FA2H: variants seen among roughly 807,000 people sequenced by gnomAD.
FA2H encodes the protein fatty acid 2-hydroxylase, also known as fatty acid alpha-hydroxylase.
FA2H carries 22 observed loss-of-function variants against 44.9 expected under a neutral mutation model. The ratio of observed to expected loss-of-function variants is 0.49; its 90% CI spans 0.35 to 0.70. The LOEUF is 0.70. Ranked by LOEUF, FA2H falls within the 30% of genes least tolerant of loss-of-function variation. The pLI is 0.01. For synonymous variants in FA2H, 243 were observed against 213.2 expected, an observed-to-expected ratio of 1.14 and a Z score of -1.22; for missense variants, 501 against 504.9, an observed-to-expected ratio of 0.99 and a Z score of 0.07.
intron 1 of FA2H, chr16:74,741,406 T>C (rs1348915762): frequency 6.6e-6 from 1 of 152,234 alleles, no homozygotes; most frequent in Non-Finnish European, 1.5e-5. Flanking sequence ...AAGTCGGCTT[T>C]TGTGGTCCTT....
Position 74,745,799 on chromosome 16 carries a change from A to ATTTT in FA2H, c.271-5688_271-5685dup, listed in dbSNP as rs11365398. Among the ~76,000 whole-genome samples, 110 of 72,452 alleles carry ATTTT rather than the reference A, an allele frequency of 1.5e-3. 2 individuals carry two copies. Among genetic ancestry groups the ATTTT allele is most frequent in the African/African-American group, 5.4e-3 (108 of 19,964 alleles). 47.5% of individuals were successfully genotyped at this position (72,452 alleles called of 152,430 possible). The stretch of plus-strand genomic sequence containing the variant: ...GATGGTATCGAGTCACTGTCAATGG[A>ATTTT]TTTTTTTTTTTTTTTTTTTTTTTTG... On this transcript the variant is annotated intron_variant, in intron 1 of 6. Transcript: ENST00000219368.
rs761217557 is a variant in FA2H, at chr16:74,719,020, G to C, written c.754C>G (p.Leu252Val). ...PPSDSYYLIMLHFVMHGQHHK... is the reference protein window; with the variant it reads ...PPSDSYYLIMVHFVMHGQHHK... ...TGCTGGCCGTGCATGACGAAGTGCAGCATGATGAGGTAATAGCTGTCGCTG... is the reference window on the plus strand; with the variant it reads ...TGCTGGCCGTGCATGACGAAGTGCACCATGATGAGGTAATAGCTGTCGCTG... The change falls in exon 5 of 7, where the codon CTG becomes GTG. Residue 252 changes from leucine (L) to valine (V), a missense_variant. Physicochemically the swap from Leu to Val is conservative, Grantham distance 32 (BLOSUM62 1). Transcript: ENST00000219368. The C allele has an allele frequency of 1.2e-6, 2 of 1,613,980 alleles. No individual in the cohort carries two copies. The highest frequency in any genetic ancestry group is 1.7e-6 in the Non-Finnish European group (2 of 1,180,048).
chr16:74,760,223 C>T (rs542615024), intron 1 of FA2H, among the ~76,000 whole-genome samples: 1 of 152,308 alleles, frequency 6.6e-6, no homozygotes, highest in East Asian at 1.9e-4. Context: ...GCAAGTCAGA[C>T]CAGCCTCCAG....
At chr16:74,722,553 AG>A (rs1168972784) in intron 4 of FA2H, among the ~76,000 whole-genome samples, 1 of 151,976 alleles carries the variant, frequency 6.6e-6, no homozygotes, top group African/African-American at 2.4e-5. Context: ...AAAAAAGAAA[AG>A]AAAACGTAGG....
At chr16:74,733,723 C>T (rs1267619584) in intron 2 of FA2H, among the ~76,000 whole-genome samples, 2 of 152,134 alleles carry the variant, frequency 1.3e-5, no homozygotes, top group East Asian at 1.9e-4. Flanking sequence ...AGATGGGAAG[C>T]GATGCAAGAC....
rs758340506 is a variant in FA2H, at chr16:74,740,038, C to A, written c.348G>T (p.Val116=). 2 of 1,613,770 alleles carry A rather than the reference C, an allele frequency of 1.2e-6. No homozygotes were observed. Among genetic ancestry groups the A allele is most frequent in the South Asian group, 1.1e-5 (1 of 91,066 alleles). ...TDPAMEPRFK[V]VDWDKDLVDW... is the part of the protein sequence containing the mutation. ...TGCCAGGTACCTTGTCCCAATCCAC[C>A]ACTTTGAACCGTGGTTCCATAGCAG... Residue 116 remains valine (V), a synonymous_variant, in exon 2 of 7, where the codon GTG becomes GTT. Coordinates refer to ENST00000219368, the MANE Select transcript of FA2H (RefSeq NM_024306.5).
At chr16:74,753,702 C>T (rs991644288) in intron 1 of FA2H, among the ~76,000 whole-genome samples, 6 of 152,066 alleles carry the variant, frequency 3.9e-5, no homozygotes, top group African/African-American at 1.4e-4. Context: ...ATAAGCACTG[C>T]CTGCCAAGCC....
At chr16:74,718,717 A>T (rs1020209584) in intron 5 of FA2H, among the ~76,000 whole-genome samples, 3 of 152,232 alleles carry the variant, frequency 2.0e-5, no homozygotes, top group Non-Finnish European at 1.5e-5. Context: ...GAATGAACGA[A>T]TGAATGAGTT....
intron 2 of FA2H, among the ~76,000 whole-genome samples, chr16:74,732,089 G>A (rs1263387616): frequency 6.6e-6 from 1 of 152,070 alleles, no homozygotes; most frequent in Non-Finnish European, 1.5e-5. Context: ...TCACTATGTT[G>A]TGTAGGCTGG....
At position 74,713,973 on chromosome 16, in the gene FA2H, G is replaced by A. The variant is rs1190201802; in HGVS notation, c.*217C>T. The A allele has an allele frequency of 3.5e-6, 2 of 572,298 alleles. No individual in the cohort carries two copies. The highest frequency in any genetic ancestry group is 3.0e-5 in the Admixed American group (1 of 33,390). The allele number at this position is 572,298 out of a possible 1,614,324, so 35.5% of individuals were successfully genotyped here. ...GCTCCAGGAAGAAGTGGGTCACCAAGGGCCACCTGGCCACCAAGTGGATGT... is the reference window on the plus strand; with the variant it reads ...GCTCCAGGAAGAAGTGGGTCACCAAAGGCCACCTGGCCACCAAGTGGATGT... On this transcript the variant is annotated 3_prime_UTR_variant, in exon 7 of 7. Transcript: ENST00000219368.
At chr16:74,752,653 C>T (rs1962548128) in intron 1 of FA2H, among the ~76,000 whole-genome samples, 2 of 152,126 alleles carry the variant, frequency 1.3e-5, no homozygotes, top group African/African-American at 4.8e-5. Flanking sequence ...CTTTTTGTCC[C>T]CAGCACCAAG....
At chr16:74,745,809 T>C (rs1056444360) in intron 1 of FA2H, among the ~76,000 whole-genome samples, 7 of 148,894 alleles carry the variant, frequency 4.7e-5, no homozygotes, top group Admixed American at 1.3e-4. Context: ...ATTTTTTTTT[T>C]TTTTTTTTTT....
At chr16:74,770,001 G>A (rs1228671563) in intron 1 of FA2H, among the ~76,000 whole-genome samples, 1 of 152,242 alleles carries the variant, frequency 6.6e-6, no homozygotes, top group Non-Finnish European at 1.5e-5. Flanking sequence ...GCAAAGTGGG[G>A]TGCAGGGGGA....
At chr16:74,737,468 C>T (rs1052528196) in intron 2 of FA2H, among the ~76,000 whole-genome samples, 1 of 152,206 alleles carries the variant, frequency 6.6e-6, no homozygotes, top group Non-Finnish European at 1.5e-5. Flanking sequence ...CTGAGCAGAG[C>T]GGGGCACCAG....
At chr16:74,767,092 C>T (rs781663158) in intron 1 of FA2H, among the ~76,000 whole-genome samples, 2 of 152,048 alleles carry the variant, frequency 1.3e-5, no homozygotes, top group Non-Finnish European at 2.9e-5. Context: ...AGGCAAATCG[C>T]GAGGTTAAGA....
chr16:74,729,551 T>G (rs1962033461), intron 2 of FA2H, among the ~76,000 whole-genome samples: 1 of 152,088 alleles, frequency 6.6e-6, no homozygotes, highest in South Asian at 2.1e-4. Flanking sequence ...TAATGGAGAG[T>G]GTGTGCAGAA....
chr16:74,719,844 C>T (rs1300978426), intron 4 of FA2H, among the ~76,000 whole-genome samples: 1 of 152,066 alleles, frequency 6.6e-6, no homozygotes, highest in Non-Finnish European at 1.5e-5. Flanking sequence ...AAGGGAGCCA[C>T]TGTGCCTGGC....
intron 4 of FA2H, among the ~76,000 whole-genome samples, chr16:74,719,869 T>A (rs1178606727): frequency 6.6e-6 from 1 of 151,852 alleles, no homozygotes; most frequent in Non-Finnish European, 1.5e-5. Flanking sequence ...AGGGTGTTAA[T>A]GATGGGAAGT....
intron 2 of FA2H, among the ~76,000 whole-genome samples, chr16:74,736,795 G>A (rs963432460): frequency 3.3e-5 from 5 of 152,210 alleles, no homozygotes; most frequent in East Asian, 1.9e-4. Context: ...CCTACTCACC[G>A]GCCTCAGGGT....
Sources: gnomAD v4.1 joint callset for allele counts (sites outside exome capture counted in the v4.1 genomes callset) on GRCh38, gnomAD v4.1.1 for gene constraint, MANE v1.5 for transcripts, NCBI Gene and HGNC (gene_info 2026-07-23, HGNC 2026-07-21) for gene names.